HS3ST3B1: variants seen among roughly 807,000 people sequenced by gnomAD.
The protein encoded by HS3ST3B1 is heparan sulfate-glucosamine 3-sulfotransferase 3B1, also known as heparan sulfate glucosamine 3-O-sulfotransferase 3B1.
A neutral mutation model predicts 21.3 loss-of-function variants in HS3ST3B1; 13 were observed. The ratio of observed to expected loss-of-function variants is 0.61; its 90% CI spans 0.40 to 0.97. The LOEUF is 0.97. HS3ST3B1 is among the 50% of genes least tolerant of loss of function. HS3ST3B1 has a pLI of 0.00. For missense variants in HS3ST3B1, 459 were observed against 554.8 expected (o/e 0.83, Z 1.73); for synonymous variants, 234 against 254.8 (o/e 0.92, Z 0.78).
rs1442905493 is a variant in HS3ST3B1, at chr17:14,301,447, T to C, written c.-72T>C. ...GCGTCCAGCGTGCCGGGGAACCCTC[T>C]CTGCGCTCACTGCCCGGCGGGACCC... On this transcript the variant is annotated 5_prime_UTR_variant, in exon 1 of 2. Coordinates refer to ENST00000360954, the MANE Select transcript of HS3ST3B1 (RefSeq NM_006041.3). 1 of 1,333,746 alleles carries C rather than the reference T, an allele frequency of 7.5e-7. No homozygotes were observed. Among genetic ancestry groups the C allele is most frequent in the African/African-American group, 1.5e-5 (1 of 64,666 alleles). The allele number at this position is 1,333,746 out of a possible 1,614,324, so 82.6% of individuals were successfully genotyped here. A position where few individuals can be genotyped will look rare whatever the true frequency, so the allele number is the denominator to read the frequency against.
intron 1 of HS3ST3B1, chr17:14,305,613 A>G (rs1350244724): frequency 6.6e-6 from 1 of 152,210 alleles, no homozygotes; most frequent in Non-Finnish European, 1.5e-5. Context: ...ATTGTTTGTT[A>G]TACAAAAATA....
At chr17:14,302,167 G>A (rs980141157) in intron 1 of HS3ST3B1, 95 bp downstream of exon 1, 2 of 1,397,286 alleles carry the variant, frequency 1.4e-6, no homozygotes, top group Non-Finnish European at 1.9e-6. Flanking sequence ...CAGGGTTACA[G>A]CTTCGGACCA....
intron 1 of HS3ST3B1, among the ~76,000 whole-genome samples, chr17:14,320,467 G>C (rs1417391991): frequency 2.0e-5 from 3 of 152,176 alleles, no homozygotes; most frequent in Non-Finnish European, 2.9e-5. Context: ...GACCGCATGA[G>C]GGGAGTCGAG....
At position 14,314,933 on chromosome 17, in the gene HS3ST3B1, CT is replaced by C. The variant is rs577314584; in HGVS notation, c.554+12866del. ...TGGGCAGGAGCTTTTATCTATTTGACTTTTTCATTTTACACTTTTGTAGGGA... is the reference window on the plus strand; with the variant it reads ...TGGGCAGGAGCTTTTATCTATTTGACTTTTCATTTTACACTTTTGTAGGGA... On this transcript the variant is annotated intron_variant, in intron 1 of 1. Coordinates refer to ENST00000360954, the MANE Select transcript of HS3ST3B1 (RefSeq NM_006041.3). 4.1e-4 allele frequency among the ~76,000 whole-genome samples: 63 copies of C among 152,322 alleles called. 2 individuals are homozygous for C. Among genetic ancestry groups the C allele is most frequent in the Admixed American group, 3.2e-3 (49 of 15,300 alleles).
chr17:14,301,580 A>AGCCGCCGCC lies in HS3ST3B1; in HGVS notation c.66_74dup (p.Pro26_Pro28dup), dbSNP rs761567556. On this transcript the variant is annotated inframe_insertion, in exon 1 of 2. Transcript: ENST00000360954. ...GATGTCCCCGGCCGGCTCCTACCGC[A>AGCCGCCGCC]GCCGCCGCCGCCCCCGCCGCCGGTG... is the stretch of plus-strand genomic sequence containing the variant. 1.3e-6 allele frequency: 2 copies of AGCCGCCGCC among 1,598,468 alleles called. No individual in the cohort carries two copies. Among genetic ancestry groups the AGCCGCCGCC allele is most frequent in the Admixed American group, 1.7e-5 (1 of 59,646 alleles).
chr17:14,320,647 G>A (rs910829705), intron 1 of HS3ST3B1, among the ~76,000 whole-genome samples: 1 of 152,116 alleles, frequency 6.6e-6, no homozygotes, highest in African/African-American at 2.4e-5. Context: ...CAGAAAAGAT[G>A]CCACTCAGAA....
At chr17:14,305,846 C>T (rs1376435409) in intron 1 of HS3ST3B1, among the ~76,000 whole-genome samples, 1 of 152,070 alleles carries the variant, frequency 6.6e-6, no homozygotes, top group African/African-American at 2.4e-5. Context: ...ACAGGATTAG[C>T]AAATTTAATC....
intron 1 of HS3ST3B1, among the ~76,000 whole-genome samples, chr17:14,312,044 C>T (rs537369262): frequency 1.3e-5 from 2 of 152,164 alleles, no homozygotes; most frequent in South Asian, 4.1e-4. Flanking sequence ...TTTCCAGGAG[C>T]TTTCCAAAGA....
At chr17:14,319,825 C>T (rs1024491053) in intron 1 of HS3ST3B1, among the ~76,000 whole-genome samples, 6 of 151,656 alleles carry the variant, frequency 4.0e-5, no homozygotes, top group Admixed American at 2.6e-4. Context: ...TGGTGTTTGG[C>T]TACATGGATA....
chr17:14,321,662 G>A lies in HS3ST3B1; in HGVS notation c.554+19590G>A, dbSNP rs79403225. 3.3e-3 allele frequency among the ~76,000 whole-genome samples: 508 copies of A among 151,846 alleles called. 1 individual carries two copies. Among genetic ancestry groups the A allele is most frequent in the Non-Finnish European group, 5.2e-3 (356 of 67,986 alleles). On this transcript the variant is annotated intron_variant, in intron 1 of 1. Coordinates refer to ENST00000360954, the MANE Select transcript of HS3ST3B1 (RefSeq NM_006041.3). The stretch of plus-strand genomic sequence containing the variant: ...GCCTGTAATATTAGTTCCAGGATGT[G>A]GGTAAGTGGTGTTTTTCTTCCATAG...
chr17:14,336,400 A>G (rs1910187210), intron 1 of HS3ST3B1, among the ~76,000 whole-genome samples: 1 of 152,226 alleles, frequency 6.6e-6, no homozygotes, highest in Non-Finnish European at 1.5e-5. Context: ...GGTACTGGGT[A>G]ACATCAGAAT....
chr17:14,346,908 C>T lies in HS3ST3B1; in HGVS notation c.*1262C>T, dbSNP rs1374901728. ...CTGTGTCCCTCGGCATCAGCGTCTA[C>T]CAAGGTGCTGCTAGGTACAGAGCCA... On this transcript the variant is annotated 3_prime_UTR_variant, in exon 2 of 2. Transcript: ENST00000360954. 1 of 152,142 alleles carries T rather than the reference C, an allele frequency of 6.6e-6. No individual in the cohort carries two copies. The highest frequency in any genetic ancestry group is 1.5e-5 in the Non-Finnish European group (1 of 68,066). 9.4% of individuals were successfully genotyped at this position (152,142 alleles called of 1,614,324 possible).
chr17:14,302,202 G>T, intron 1 of HS3ST3B1, 130 bp downstream of exon 1: 1 of 1,112,484 alleles, frequency 9.0e-7, no homozygotes, highest in South Asian at 1.6e-5. Context: ...GGGAAACTAC[G>T]GCAGATTGCG....
At chr17:14,307,410 G>GAA (rs11383288) in intron 1 of HS3ST3B1, among the ~76,000 whole-genome samples, 317 of 141,322 alleles carry the variant, frequency 2.2e-3, no homozygotes, top group Middle Eastern at 3.7e-3. Context: ...GTTTTAGTCT[G>GAA]AAAAAAAAAA....
At chr17:14,333,853 C>T (rs1445884657) in intron 1 of HS3ST3B1, among the ~76,000 whole-genome samples, 1 of 151,986 alleles carries the variant, frequency 6.6e-6, no homozygotes, top group Non-Finnish European at 1.5e-5. Flanking sequence ...CGCAACCTCT[C>T]CCGGGTTCAA....
intron 1 of HS3ST3B1, among the ~76,000 whole-genome samples, chr17:14,308,801 T>C (rs1909210263): frequency 6.6e-6 from 1 of 152,236 alleles, no homozygotes. Flanking sequence ...CGATTCCATG[T>C]GTGTCCATGA....
intron 1 of HS3ST3B1, among the ~76,000 whole-genome samples, chr17:14,338,401 GA>G (rs1910261516): frequency 6.6e-6 from 1 of 151,806 alleles, no homozygotes; most frequent in East Asian, 1.9e-4. Flanking sequence ...TAGGATTACA[GA>G]TGTGAGCCAA....
intron 1 of HS3ST3B1, among the ~76,000 whole-genome samples, chr17:14,343,097 C>G (rs909012044): frequency 6.6e-6 from 1 of 151,966 alleles, no homozygotes; most frequent in Non-Finnish European, 1.5e-5. Flanking sequence ...CAAAAATTAG[C>G]CAGGTGTGGT....
intron 1 of HS3ST3B1, among the ~76,000 whole-genome samples, chr17:14,307,038 C>A (rs1909159593): frequency 6.6e-6 from 1 of 152,026 alleles, no homozygotes; most frequent in Admixed American, 6.6e-5. Flanking sequence ...AAGTGTTTTC[C>A]CAGATGCTCT....
Sources: allele counts gnomAD v4.1 joint callset (sites outside exome capture counted in the v4.1 genomes callset), GRCh38; gene constraint gnomAD v4.1.1; transcripts MANE v1.5; gene names NCBI Gene and HGNC (gene_info 2026-07-23, HGNC 2026-07-21).